SIPA1L1: variants seen among roughly 807,000 people sequenced by gnomAD.
SIPA1L1 encodes the protein signal induced proliferation associated 1 like 1, also known as signal-induced proliferation-associated 1-like protein 1.
In SIPA1L1, 26 loss-of-function variants were observed where a neutral mutation model predicts 162.7. The observed-to-expected ratio is 0.16, with a 90% CI of 0.12 to 0.22. The LOEUF (loss-of-function observed/expected upper bound fraction) is 0.22. SIPA1L1 is among the 10% of genes least tolerant of loss of function. SIPA1L1 has a pLI of 1.00. For missense variants in SIPA1L1, 1,874 were observed against 2,241.0 expected (o/e 0.84, Z 3.31); for synonymous variants, 829 against 837.4 (o/e 0.99, Z 0.17).
chr14:71,617,127 C>G (rs879087376), intron 5 of SIPA1L1, among the ~76,000 whole-genome samples: 4 of 152,180 alleles, frequency 2.6e-5, no homozygotes, highest in Admixed American at 2.6e-4. Flanking sequence ...AGACTGCTGT[C>G]TTGTTTCTCT....
In SIPA1L1 at chr14:71,514,875, A is replaced by G. The variant is rs77029383; in HGVS notation, c.-362+2030A>G. Among the ~76,000 whole-genome samples the G allele has an allele frequency of 1.1e-3, 170 of 152,350 alleles. 1 individual carries two copies. The highest frequency in any genetic ancestry group is 4.1e-3 in the African/African-American group (169 of 41,588). ...TAAAAGACACTGTGTGCTAAGGATT[A>G]TATCAATAGATTTTAGACTATAGAT... is the stretch of plus-strand genomic sequence containing the variant. On this transcript the variant is annotated intron_variant, in intron 3 of 23. Transcript: ENST00000381232.
intron 2 of SIPA1L1, among the ~76,000 whole-genome samples, chr14:71,436,683 C>T (rs1202473984): frequency 6.6e-6 from 1 of 151,608 alleles, no homozygotes; most frequent in East Asian, 1.9e-4. Context: ...GCTGGTCCCC[C>T]TTATTACTCT....
At chr14:71,577,980 G>A (rs890788236) in intron 4 of SIPA1L1, among the ~76,000 whole-genome samples, 4 of 151,884 alleles carry the variant, frequency 2.6e-5, no homozygotes, top group Non-Finnish European at 4.4e-5. Flanking sequence ...GTGCGATCTC[G>A]CCTCACTGCA....
At chr14:71,417,343 T>C (rs927041919) in intron 2 of SIPA1L1, among the ~76,000 whole-genome samples, 10 of 149,350 alleles carry the variant, frequency 6.7e-5, no homozygotes, top group African/African-American at 1.5e-4. Context: ...AGGTGGCGGG[T>C]GCCTGTAGTC....
intron 2 of SIPA1L1, among the ~76,000 whole-genome samples, chr14:71,403,894 C>A (rs530103021): frequency 1.3e-5 from 2 of 152,102 alleles, no homozygotes; most frequent in Non-Finnish European, 2.9e-5. Flanking sequence ...CTCCTGTAGG[C>A]CACCTGGTGC....
chr14:71,676,582 C>T (rs1393591695), intron 12 of SIPA1L1, among the ~76,000 whole-genome samples: 1 of 149,468 alleles, frequency 6.7e-6, no homozygotes, highest in African/African-American at 2.5e-5. Context: ...CCCATTAACT[C>T]ATCATTTACA....
chr14:71,372,368 G>A (rs796085919), intron 2 of SIPA1L1, among the ~76,000 whole-genome samples: 2 of 152,000 alleles, frequency 1.3e-5, no homozygotes, highest in Non-Finnish European at 2.9e-5. Context: ...TAATTTACTT[G>A]AATAGACTCA....
At chr14:71,707,596 T>A (rs968470062) in intron 16 of SIPA1L1, among the ~76,000 whole-genome samples, 3 of 152,208 alleles carry the variant, frequency 2.0e-5, no homozygotes, top group Non-Finnish European at 4.4e-5. Flanking sequence ...GCTGATTATG[T>A]TCCCAAGATT....
At chr14:71,324,805 A>G (rs2033593575) in intron 2 of SIPA1L1, among the ~76,000 whole-genome samples, 1 of 152,178 alleles carries the variant, frequency 6.6e-6, no homozygotes, top group Non-Finnish European at 1.5e-5. Context: ...TTTCTGGACC[A>G]TGGCCAACTA....
At chr14:71,546,257 T>C (rs1439612416) in intron 4 of SIPA1L1, among the ~76,000 whole-genome samples, 1 of 152,104 alleles carries the variant, frequency 6.6e-6, no homozygotes, top group Non-Finnish European at 1.5e-5. Flanking sequence ...ATTTTTCTGT[T>C]TTCTGCCTCT....
Position 71,557,096 on chromosome 14 carries a change from A to AT in SIPA1L1, c.-303+27727dup, listed in dbSNP as rs1346204402. Among the ~76,000 whole-genome samples, 8 of 152,230 alleles carry AT rather than the reference A, an allele frequency of 5.3e-5. No homozygotes were observed. The South Asian group carries it at 1.4e-3, about 28-fold the overall frequency. On this transcript the variant is annotated intron_variant, in intron 4 of 23. Transcript: ENST00000381232. Reference sequence around the variant, plus strand: ...GTGGACAAAAACCAATATAGCTATCATAACACCATACCCATTAATACTTCT... The same window carrying AT: ...GTGGACAAAAACCAATATAGCTATCATTAACACCATACCCATTAATACTTCT...
intron 10 of SIPA1L1, 141 bp downstream of exon 10, chr14:71,661,608 C>A: frequency 1.2e-6 from 1 of 844,958 alleles, no homozygotes. Flanking sequence ...ATGCGGATGG[C>A]TGAATTCACA....
At chr14:71,642,118 A>T (rs1464193307) in intron 7 of SIPA1L1, among the ~76,000 whole-genome samples, 1 of 152,256 alleles carries the variant, frequency 6.6e-6, no homozygotes, top group Non-Finnish European at 1.5e-5. Context: ...ACAACTTAAA[A>T]ACTAGACAAA....
intron 2 of SIPA1L1, among the ~76,000 whole-genome samples, chr14:71,334,860 C>G (rs2034923810): frequency 1.3e-5 from 2 of 152,008 alleles, no homozygotes; most frequent in South Asian, 4.1e-4. Flanking sequence ...TTAGGATCCA[C>G]CATGTTGAAA....
intron 2 of SIPA1L1, among the ~76,000 whole-genome samples, chr14:71,378,142 C>G (rs1367901978): frequency 6.6e-6 from 1 of 150,726 alleles, no homozygotes; most frequent in Admixed American, 6.6e-5. Context: ...AAAAGTGTGT[C>G]GGTTTTGTTG....
At chr14:71,379,848 A>G (rs956128568) in intron 2 of SIPA1L1, among the ~76,000 whole-genome samples, 1 of 152,176 alleles carries the variant, frequency 6.6e-6, no homozygotes, top group African/African-American at 2.4e-5. Context: ...TATTTTATAC[A>G]TTTTCCATTT....
At chr14:71,682,179 A>T (rs1342934415) in intron 12 of SIPA1L1, among the ~76,000 whole-genome samples, 2 of 152,230 alleles carry the variant, frequency 1.3e-5, no homozygotes, top group African/African-American at 4.8e-5. Flanking sequence ...AGTGGGGATA[A>T]TGATAGCATC....
At chr14:71,515,943 A>G (rs1368743859) in intron 3 of SIPA1L1, among the ~76,000 whole-genome samples, 4 of 152,182 alleles carry the variant, frequency 2.6e-5, no homozygotes, top group African/African-American at 7.2e-5. Flanking sequence ...AGCCTGGCCT[A>G]TTATATAGCA....
At chr14:71,379,060 G>A (rs571437458) in intron 2 of SIPA1L1, among the ~76,000 whole-genome samples, 9 of 152,148 alleles carry the variant, frequency 5.9e-5, no homozygotes, top group African/African-American at 2.2e-4. Context: ...CTGAAGTTCT[G>A]TATCATGAAT....
Sources: gnomAD v4.1 joint callset for allele counts (sites outside exome capture counted in the v4.1 genomes callset) on GRCh38, gnomAD v4.1.1 for gene constraint, MANE v1.5 for transcripts, NCBI Gene and HGNC (gene_info 2026-07-23, HGNC 2026-07-21) for gene names.